Variants in AGTRAP observed in about 807,000 individuals in gnomAD.
AGTRAP encodes type-1 angiotensin II receptor-associated protein.
AGTRAP carries 7 observed loss-of-function variants against 15.2 expected under a neutral mutation model. The ratio of observed to expected loss-of-function variants is 0.46; its 90% CI spans 0.26 to 0.87. The LOEUF (loss-of-function observed/expected upper bound fraction) is 0.87, where lower values mean the gene tolerates loss of function less well. Among genes scored for constraint, AGTRAP ranks in the 40% least tolerant of loss-of-function variants. AGTRAP has a pLI of 0.15. For synonymous variants in AGTRAP, 74 were observed against 89.6 expected (o/e 0.83, Z 0.98); for missense variants, 187 against 213.4 (o/e 0.88, Z 0.77).
chr1:11,748,341 C>G, intron 3 of AGTRAP, 74 bp from the exon 4 acceptor site: 3 of 1,516,518 alleles, frequency 2.0e-6, no homozygotes, highest in Non-Finnish European at 2.7e-6. Context: ...AAACGGCTTC[C>G]CATCCGGTGT....
Position 11,745,799 on chromosome 1 carries a change from A to G in AGTRAP, c.28-4A>G, listed in dbSNP as rs747694690. 1.6e-5 allele frequency: 26 copies of G among 1,614,072 alleles called. No individual in the cohort carries two copies. The highest frequency in any genetic ancestry group is 1.7e-4 in the Middle Eastern group (1 of 6,060). ...CCTCTTCTCTCCCCCTTGTTGTGCC[A>G]CAGGTGATTCTCCTAGGTCACTGGC... On this transcript the variant is annotated splice_polypyrimidine_tract_variant and splice_region_variant and intron_variant, in intron 1 of 4. Coordinates refer to ENST00000314340, the MANE Select transcript of AGTRAP (RefSeq NM_020350.5). The surrounding 1 kb of genome is among the most constrained non-coding windows in gnomAD (Gnocchi z 4.2).
At chr1:11,750,026 C>G in intron 4 of AGTRAP, 51 bp from the exon 5 acceptor site, 2 of 1,481,284 alleles carry the variant, frequency 1.4e-6, no homozygotes, top group Non-Finnish European at 1.9e-6. Context: ...GCTGAACATC[C>G]CGAGTTCTCA....
chr1:11,748,347 G>T, intron 3 of AGTRAP, 68 bp from the exon 4 acceptor site: 2 of 1,527,902 alleles, frequency 1.3e-6, no homozygotes, highest in Admixed American at 1.7e-5. Flanking sequence ...CTTCCCATCC[G>T]GTGTGTGGCG....
At chr1:11,736,375 G>C in intron 1 of AGTRAP, 140 bp downstream of exon 1, 1 of 1,198,268 alleles carries the variant, frequency 8.3e-7, no homozygotes, top group Non-Finnish European at 1.2e-6. Flanking sequence ...CCCCACGCAA[G>C]AAGGAGATGG....
chr1:11,743,242 T>G (rs1176183712), intron 1 of AGTRAP, among the ~76,000 whole-genome samples: 1 of 151,810 alleles, frequency 6.6e-6, no homozygotes, highest in African/African-American at 2.4e-5. Context: ...GCATCTGTCT[T>G]TTCTTTTCTT....
chr1:11,744,111 A>G (rs779705909), intron 1 of AGTRAP, among the ~76,000 whole-genome samples: 1 of 152,088 alleles, frequency 6.6e-6, no homozygotes, highest in Non-Finnish European at 1.5e-5. Context: ...CCTTGTCTCT[A>G]CAAAAAAACA....
chr1:11,740,219 T>C (rs911569133), intron 1 of AGTRAP, among the ~76,000 whole-genome samples: 6 of 152,124 alleles, frequency 3.9e-5, no homozygotes, highest in Admixed American at 6.6e-5. Context: ...CAAAAGACAG[T>C]GGTTTTGTCC....
rs1455779937 is a variant in AGTRAP at position 11,747,533 on chromosome 1, C to G, written c.156C>G (p.Asp52Glu). 1.2e-6 allele frequency: 2 copies of G among 1,613,944 alleles called. No homozygotes were observed. Among genetic ancestry groups the G allele is most frequent in the African/African-American group, 2.7e-5 (2 of 75,044 alleles). Residue 52 changes from aspartate (D) to glutamate (E), a missense_variant, in exon 3 of 5, where the codon GAC (aspartate) becomes GAG (glutamate). Coordinates refer to ENST00000314340, the MANE Select transcript of AGTRAP (RefSeq NM_020350.5). The part of the protein sequence containing the change: ...VWAVAQRDSI[D>E]AISMFLGGLL... ...CTGTGGCTCAGCGGGACTCCATCGA[C>G]GCCATAAGCATGGTGAGCCAGGGTG...
At chr1:11,748,362 A>AGCCACGGAGCGTGGTGGGGGT in intron 3 of AGTRAP, 53 bp from the exon 4 acceptor site, 4 of 1,541,934 alleles carry the variant, frequency 2.6e-6, no homozygotes, top group Non-Finnish European at 3.5e-6. Context: ...GTGGCGGGGG[A>AGCCACGGAGCGTGGTGGGGGT]GCCACGGAGC....
intron 1 of AGTRAP, among the ~76,000 whole-genome samples, chr1:11,743,772 G>A (rs1330249901): frequency 6.6e-6 from 1 of 151,746 alleles, no homozygotes; most frequent in African/African-American, 2.4e-5. Flanking sequence ...CTCCATGCTG[G>A]TCAGGCTGAT....
intron 1 of AGTRAP, among the ~76,000 whole-genome samples, chr1:11,740,752 C>T (rs1482007156): frequency 4.6e-5 from 7 of 152,184 alleles, no homozygotes; most frequent in Admixed American, 4.6e-4. Context: ...ACTCTGTGTA[C>T]AGTCTAGGCA....
At chr1:11,746,398 C>T in intron 2 of AGTRAP, 1 of 591,262 alleles carries the variant, frequency 1.7e-6, no homozygotes, top group Non-Finnish European at 3.0e-6. Context: ...ACCTATTGAA[C>T]CGAATGGCAC....
At chr1:11,750,038 C>G (rs376158319) in intron 4 of AGTRAP, 39 bp from the exon 5 acceptor site, 15 of 1,542,300 alleles carry the variant, frequency 9.7e-6, no homozygotes, top group Admixed American at 8.6e-5. Flanking sequence ...GAGTTCTCAC[C>G]CTTCATTTTT....
intron 3 of AGTRAP, 45 bp downstream of exon 3, chr1:11,747,590 A>G (rs1437920824): frequency 1.3e-6 from 2 of 1,580,352 alleles, no homozygotes; most frequent in Admixed American, 1.7e-5. Flanking sequence ...GAGCCGCAGC[A>G]CAGGGCAAGA....
chr1:11,743,560 C>A (rs112583266), intron 1 of AGTRAP, among the ~76,000 whole-genome samples: 1 of 135,250 alleles, frequency 7.4e-6, no homozygotes. Flanking sequence ...TGCCCTTTTT[C>A]TTTCTTTCCT....
At chr1:11,748,716 C>A in intron 4 of AGTRAP, 106 bp downstream of exon 4, 1 of 1,333,846 alleles carries the variant, frequency 7.5e-7, no homozygotes, top group Non-Finnish European at 1.0e-6. Context: ...GGCCAGGGCT[C>A]AAGGTGCAGG....
At chr1:11,746,306 C>T (rs1240650822) in intron 2 of AGTRAP, 6 of 1,244,046 alleles carry the variant, frequency 4.8e-6, no homozygotes, top group Admixed American at 2.3e-5. Context: ...CACACTTCCC[C>T]AAGATTCTGA....
At chr1:11,741,415 C>T (rs1050471669) in intron 1 of AGTRAP, among the ~76,000 whole-genome samples, 5 of 152,206 alleles carry the variant, frequency 3.3e-5, no homozygotes, top group East Asian at 3.8e-4. Context: ...AGCGCAGCTC[C>T]GAATCTGCTC....
chr1:11,738,912 T>C (rs1195609971), intron 1 of AGTRAP, among the ~76,000 whole-genome samples: 1 of 152,206 alleles, frequency 6.6e-6, no homozygotes, highest in Non-Finnish European at 1.5e-5. Flanking sequence ...TGGGAAGTCC[T>C]ACCCCGCCAT....
Sources: allele counts gnomAD v4.1 joint callset (sites outside exome capture counted in the v4.1 genomes callset), GRCh38; gene constraint gnomAD v4.1.1; non-coding constraint Gnocchi (gnomAD v3.1); transcripts MANE v1.5; gene names NCBI Gene and HGNC (gene_info 2026-07-23, HGNC 2026-07-21).